The following CLMP variants were observed in gnomAD, a reference collection of about 807,000 sequenced individuals.
CLMP encodes the protein CXADR like cell adhesion molecule.
A neutral mutation model predicts 45.2 loss-of-function variants in CLMP; 27 were observed. That is an observed-to-expected ratio of 0.60 (90% CI 0.44 to 0.82). The LOEUF is 0.82. Among genes scored for constraint, CLMP ranks in the 40% least tolerant of loss-of-function variants. The probability of loss-of-function intolerance (pLI) is 0.00; values close to 1 mark genes in which losing one functional copy is unlikely to be tolerated. For missense variants in CLMP, 403 were observed against 448.4 expected (o/e 0.90, Z 0.91); for synonymous variants, 167 against 171.4 (o/e 0.97, Z 0.20).
chr11:123,119,046 C>CTCTCT (rs1860771790), intron 1 of CLMP, among the ~76,000 whole-genome samples: 1 of 4,964 alleles, frequency 2.0e-4, no homozygotes, highest in Non-Finnish European at 3.9e-4. Flanking sequence ...TCTCTCTCTC[C>CTCTCT]CTCTCCCTCT....
intron 1 of CLMP, among the ~76,000 whole-genome samples, chr11:123,102,194 A>G (rs1003621625): frequency 2.0e-5 from 3 of 152,194 alleles, no homozygotes; most frequent in Admixed American, 2.0e-4. Context: ...TAAAAAAAAA[A>G]AATAAGATAT....
chr11:123,104,676 G>A (rs1028030951), intron 1 of CLMP, among the ~76,000 whole-genome samples: 2 of 152,140 alleles, frequency 1.3e-5, no homozygotes, highest in East Asian at 1.9e-4. Context: ...GTGAGCCACC[G>A]CGTCCGGCCT....
intron 1 of CLMP, among the ~76,000 whole-genome samples, chr11:123,159,718 A>G (rs556582632): frequency 4.1e-4 from 62 of 152,300 alleles, no homozygotes; most frequent in African/African-American, 1.4e-3. Context: ...TGGCTGTGGC[A>G]CCTTGAGTCT....
At chr11:123,090,337 C>T (rs1284601918) in intron 2 of CLMP, among the ~76,000 whole-genome samples, 2 of 151,632 alleles carry the variant, frequency 1.3e-5, no homozygotes, top group African/African-American at 4.8e-5. Flanking sequence ...ACCTGTACTC[C>T]CAGGTACTCA....
At chr11:123,109,046 T>G (rs1591461521) in intron 1 of CLMP, among the ~76,000 whole-genome samples, 3 of 108,812 alleles carry the variant, frequency 2.8e-5, no homozygotes, top group African/African-American at 7.4e-5. Flanking sequence ...GCAACAAGAG[T>G]GAAACTCTGT....
intron 1 of CLMP, among the ~76,000 whole-genome samples, chr11:123,112,290 G>GGT (rs1469097655): frequency 6.6e-6 from 1 of 151,916 alleles, no homozygotes; most frequent in Non-Finnish European, 1.5e-5. Context: ...AAGGTCATTT[G>GGT]GTCACTATCT....
intron 1 of CLMP, among the ~76,000 whole-genome samples, chr11:123,171,242 A>T (rs1861627943): frequency 6.6e-6 from 1 of 152,104 alleles, no homozygotes; most frequent in Non-Finnish European, 1.5e-5. Flanking sequence ...GGGAACAGCA[A>T]GTCACACCAG....
At chr11:123,110,779 T>C (rs939895796) in intron 1 of CLMP, among the ~76,000 whole-genome samples, 5 of 151,846 alleles carry the variant, frequency 3.3e-5, no homozygotes, top group Middle Eastern at 3.4e-3. Context: ...AAGGGAGAAG[T>C]TGAGGGAAAG....
intron 1 of CLMP, among the ~76,000 whole-genome samples, chr11:123,127,653 A>T (rs1860916240): frequency 6.6e-6 from 1 of 152,202 alleles, no homozygotes; most frequent in Non-Finnish European, 1.5e-5. Flanking sequence ...TAAAGATATG[A>T]CATACACACA....
chr11:123,142,254 G>A (rs1273755127), intron 1 of CLMP, among the ~76,000 whole-genome samples: 1 of 152,072 alleles, frequency 6.6e-6, no homozygotes, highest in East Asian at 1.9e-4. Context: ...CCAAAGTGCT[G>A]GCATTACAGG....
chr11:123,098,027 G>C, intron 1 of CLMP, 75 bp from the exon 2 acceptor site: 1 of 1,254,344 alleles, frequency 8.0e-7, no homozygotes, highest in South Asian at 1.8e-5. Context: ...TGACAACAAA[G>C]AATTATGGGA....
intron 1 of CLMP, among the ~76,000 whole-genome samples, chr11:123,184,715 T>G (rs1200295956): frequency 6.6e-6 from 1 of 152,184 alleles, no homozygotes; most frequent in Non-Finnish European, 1.5e-5. Context: ...AAACTAAAGC[T>G]GAAAGGAGAG....
chr11:123,119,310 C>G (rs570386818), intron 1 of CLMP, among the ~76,000 whole-genome samples: 1 of 151,562 alleles, frequency 6.6e-6, no homozygotes, highest in African/African-American at 2.4e-5. Flanking sequence ...CTCAAACTCC[C>G]GACCTCAGGT....
chr11:123,080,795 A>G (rs961136086), intron 5 of CLMP, among the ~76,000 whole-genome samples: 3 of 152,230 alleles, frequency 2.0e-5, no homozygotes, highest in African/African-American at 7.2e-5. Flanking sequence ...GTTGAAGTAT[A>G]ACTTTGAAAA....
chr11:123,083,892 C>G (rs1865833653), intron 3 of CLMP, 45 bp from the exon 4 acceptor site: 5 of 1,600,238 alleles, frequency 3.1e-6, no homozygotes, highest in African/African-American at 2.7e-5. Flanking sequence ...TTCAAAGATC[C>G]CCAAACACCA....
At chr11:123,184,334 GA>G (rs1463723268) in intron 1 of CLMP, among the ~76,000 whole-genome samples, 1 of 152,150 alleles carries the variant, frequency 6.6e-6, no homozygotes, top group Non-Finnish European at 1.5e-5. Context: ...GACCTCAGGG[GA>G]TCCTGCCGCC....
At chr11:123,133,527 T>A (rs1861022056) in intron 1 of CLMP, among the ~76,000 whole-genome samples, 1 of 152,208 alleles carries the variant, frequency 6.6e-6, no homozygotes, top group Non-Finnish European at 1.5e-5. Context: ...ACTTCCACTT[T>A]CGCTTATTGT....
At chr11:123,073,988 C>T (rs1362954608) in intron 6 of CLMP, among the ~76,000 whole-genome samples, 2 of 152,126 alleles carry the variant, frequency 1.3e-5, no homozygotes, top group Non-Finnish European at 2.9e-5. Flanking sequence ...CTCTATTATA[C>T]TGGGAGGATA....
chr11:123,189,047 G>C (rs1404940700), intron 1 of CLMP: 8 of 152,252 alleles, frequency 5.3e-5, no homozygotes, highest in Non-Finnish European at 1.2e-4. Context: ...ACACTAGAAG[G>C]GTCTTCTGAC....
Sources: allele counts gnomAD v4.1 joint callset (sites outside exome capture counted in the v4.1 genomes callset), GRCh38; gene constraint gnomAD v4.1.1; transcripts MANE v1.5; gene names NCBI Gene and HGNC (gene_info 2026-07-23, HGNC 2026-07-21).